The following MYMX variants were observed in gnomAD, a reference collection of about 807,000 sequenced individuals.
MYMX encodes myomixer, myoblast fusion factor.
chr6:44,193,315 C>CTGGG, the MYMX span, among the ~76,000 whole-genome samples: 1 of 152,046 alleles, frequency 6.6e-6, no homozygotes, highest in South Asian at 2.1e-4. Flanking sequence ...GTCACCCAGG[C>CTGGG]TGGGTGTAAT....
At chr6:44,215,992 T>G (rs1401878599), upstream of MYMX, among the ~76,000 whole-genome samples, 1 of 152,222 alleles carries the variant, frequency 6.6e-6, no homozygotes, top group African/African-American at 2.4e-5. Context: ...AGAATTTCAT[T>G]TAATCTGAGG....
chr6:44,208,586 G>A, the MYMX span, among the ~76,000 whole-genome samples: 1 of 152,020 alleles, frequency 6.6e-6, no homozygotes, highest in Non-Finnish European at 1.5e-5. Flanking sequence ...AACTCCCCAA[G>A]CTCCTCCAGC....
At chr6:44,198,710 ATT>A in the MYMX span, among the ~76,000 whole-genome samples, 4 of 135,560 alleles carry the variant, frequency 3.0e-5, no homozygotes, top group African/African-American at 8.5e-5. Context: ...TGCCACCAGA[ATT>A]TTTTTTTTTT....
chr6:44,198,543 G>T, the MYMX span, among the ~76,000 whole-genome samples: 2 of 151,690 alleles, frequency 1.3e-5, no homozygotes, highest in African/African-American at 4.9e-5. Flanking sequence ...GTCTTGCTCT[G>T]TTGCCCAGGC....
chr6:44,206,252 G>A, the MYMX span, among the ~76,000 whole-genome samples: 3 of 151,886 alleles, frequency 2.0e-5, no homozygotes, highest in African/African-American at 7.3e-5. Context: ...TATTTTTTGA[G>A]ATAGAGTCTC....
the MYMX span, among the ~76,000 whole-genome samples, chr6:44,199,690 A>ATTT: frequency 1.4e-3 from 211 of 147,296 alleles, no homozygotes; most frequent in African/African-American, 5.0e-3. Context: ...GGGAGAACTA[A>ATTT]TTTTTTTTTT....
the MYMX span, among the ~76,000 whole-genome samples, chr6:44,211,770 A>C: frequency 8.7e-6 from 1 of 114,684 alleles, no homozygotes; most frequent in Non-Finnish European, 1.8e-5. Context: ...GGCACACGCC[A>C]CCATGTCCAG....
chr6:44,203,974 A>G, the MYMX span, among the ~76,000 whole-genome samples: 1 of 152,032 alleles, frequency 6.6e-6, no homozygotes, highest in Non-Finnish European at 1.5e-5. Context: ...CAGCCTCCTG[A>G]GTAGCTGGGA....
chr6:44,203,404 G>T, the MYMX span, among the ~76,000 whole-genome samples: 8 of 152,216 alleles, frequency 5.3e-5, no homozygotes, highest in Admixed American at 3.3e-4. Context: ...CTGGGAAAAA[G>T]AGACAAAAGT....
In MYMX at chr6:44,217,651, A is replaced by G; in HGVS notation, c.180A>G (p.Arg60=). Residue 60 remains arginine, a synonymous_variant, in exon 2 of 2, where the codon CGA becomes CGG. Coordinates refer to ENST00000573382, the MANE Select transcript of MYMX (RefSeq NM_001315494.2). ...GTCTGCTGTTCATTCTCAGCCAGCGACACTCGCCAGACGCTGGGGAGGCCT... is the reference window on the plus strand; with the variant it reads ...GTCTGCTGTTCATTCTCAGCCAGCGGCACTCGCCAGACGCTGGGGAGGCCT... ...LGCLLFILSQ[R]HSPDAGEASR... is the part of the protein sequence containing the mutation. 1 of 401,058 alleles carries G rather than the reference A, an allele frequency of 2.5e-6. No homozygotes were observed. The highest frequency in any genetic ancestry group is 4.4e-6 in the Non-Finnish European group (1 of 226,396). The allele number at this position is 401,058 out of a possible 1,614,324, so 24.8% of individuals were successfully genotyped here.
chr6:44,216,370 C>T (rs181739602), upstream of MYMX, among the ~76,000 whole-genome samples: 59 of 152,098 alleles, frequency 3.9e-4, no homozygotes, highest in African/African-American at 1.4e-3. Flanking sequence ...GCAGTCTGGG[C>T]TGGGCACGGT....
chr6:44,204,000 G>T, the MYMX span, among the ~76,000 whole-genome samples: 2 of 151,906 alleles, frequency 1.3e-5, no homozygotes, highest in Non-Finnish European at 2.9e-5. Flanking sequence ...GGCACGCATC[G>T]CCATGCCCGG....
chr6:44,198,703 C>T, the MYMX span, among the ~76,000 whole-genome samples: 3 of 150,376 alleles, frequency 2.0e-5, no homozygotes. Context: ...TCTCTAATGC[C>T]ACCAGAATTT....
the MYMX span, among the ~76,000 whole-genome samples, chr6:44,198,154 CTTTTTTTTT>C: frequency 2.5e-5 from 2 of 79,776 alleles, no homozygotes; most frequent in South Asian, 4.4e-4. Flanking sequence ...CCAAATTCCT[CTTTTTTTTT>C]TTTTTTTTTT....
the MYMX span, among the ~76,000 whole-genome samples, chr6:44,206,819 C>A: frequency 6.6e-6 from 1 of 152,052 alleles, no homozygotes; most frequent in African/African-American, 2.4e-5. Flanking sequence ...TCTCTGCCAG[C>A]CAGGGGTGCA....
At chr6:44,200,937 C>T in the MYMX span, among the ~76,000 whole-genome samples, 1 of 152,178 alleles carries the variant, frequency 6.6e-6, no homozygotes, top group South Asian at 2.1e-4. Flanking sequence ...CCTGGGCCAC[C>T]TCCTCCTCCC....
At chr6:44,209,507 A>C in the MYMX span, among the ~76,000 whole-genome samples, 1 of 152,252 alleles carries the variant, frequency 6.6e-6, no homozygotes, top group Non-Finnish European at 1.5e-5. Context: ...AAATAACTTG[A>C]TGATGGCTAG....
chr6:44,196,124 G>GTAGAGACAGGGTTTCAC, the MYMX span, among the ~76,000 whole-genome samples: 3 of 152,024 alleles, frequency 2.0e-5, no homozygotes, highest in Non-Finnish European at 4.4e-5. Flanking sequence ...AGTATTTTTA[G>GTAGAGACAGGGTTTCAC]TAGAGACAGG....
the MYMX span, among the ~76,000 whole-genome samples, chr6:44,201,481 C>G: frequency 5.9e-5 from 9 of 152,222 alleles, no homozygotes; most frequent in Non-Finnish European, 1.3e-4. Flanking sequence ...CTCCCACAAA[C>G]AGGAAGGGCC....
Sources: gnomAD v4.1 joint callset for allele counts (sites outside exome capture counted in the v4.1 genomes callset) on GRCh38, gnomAD v4.1.1 for gene constraint, MANE v1.5 for transcripts, NCBI Gene and HGNC (gene_info 2026-07-23, HGNC 2026-07-21) for gene names.